Variants in RFC1 observed in about 807,000 individuals in gnomAD.
RFC1 encodes replication factor C subunit 1, also known as A1 140 kDa subunit.
RFC1 carries 37 observed loss-of-function variants against 137.4 expected under a neutral mutation model. The observed-to-expected ratio is 0.27, with a 90% CI of 0.21 to 0.35. The LOEUF (loss-of-function observed/expected upper bound fraction) is 0.35, where lower values mean the gene tolerates loss of function less well. RFC1 is among the 10% of genes least tolerant of loss of function. The pLI is 1.00. For missense variants in RFC1, 1,205 were observed against 1,358.5 expected (o/e 0.89, Z 1.78); for synonymous variants, 429 against 455.7 (o/e 0.94, Z 0.75).
intron 1 of RFC1, among the ~76,000 whole-genome samples, chr4:39,362,971 C>T (rs1298943986): frequency 6.6e-6 from 1 of 152,224 alleles, no homozygotes; most frequent in African/African-American, 2.4e-5. Flanking sequence ...CCAGGGAGAG[C>T]ATTCCACATA....
At chr4:39,353,109 A>AT (rs1560623200) in intron 1 of RFC1, among the ~76,000 whole-genome samples, 1 of 152,118 alleles carries the variant, frequency 6.6e-6, no homozygotes, top group African/African-American at 2.4e-5. Flanking sequence ...ATGTTAAATA[A>AT]TTTTTTTAAG....
intron 15 of RFC1, among the ~76,000 whole-genome samples, chr4:39,304,091 G>A (rs542607184): frequency 3.3e-5 from 5 of 152,302 alleles, no homozygotes; most frequent in South Asian, 2.1e-4. Context: ...CACCAGCCAC[G>A]TCTAAGAGTG....
chr4:39,326,752 T>C (rs1739789173), intron 5 of RFC1, 112 bp from the exon 6 acceptor site: 2 of 775,416 alleles, frequency 2.6e-6, no homozygotes, highest in Non-Finnish European at 4.2e-6. Context: ...AGTGTATCTA[T>C]CAGTAACAGC....
In RFC1 at chr4:39,294,410, G is replaced by A. The variant is rs148426941; in HGVS notation, c.2954+1204C>T. Among the ~76,000 whole-genome samples, 868 of 152,292 alleles carry A rather than the reference G, an allele frequency of 5.7e-3. 11 individuals carry two copies. The highest frequency in any genetic ancestry group is 0.02 in the African/African-American group (831 of 41,558). The stretch of plus-strand genomic sequence containing the variant: ...TCCAGGGGCCGGGCGTGTGGCTCAC[G>A]CCTGTAATCCCAGCACTTTCGGAGG... On this transcript the variant is annotated intron_variant, in intron 22 of 24. Coordinates refer to ENST00000349703, the MANE Select transcript of RFC1 (RefSeq NM_002913.5).
intron 13 of RFC1, among the ~76,000 whole-genome samples, chr4:39,307,152 G>A (rs924524812): frequency 9.2e-5 from 14 of 152,162 alleles, no homozygotes; most frequent in East Asian, 1.9e-4. Context: ...TTGTGAGGAC[G>A]GAATGGCTGA....
At chr4:39,330,006 C>G (rs1271267518) in intron 4 of RFC1, among the ~76,000 whole-genome samples, 1 of 152,014 alleles carries the variant, frequency 6.6e-6, no homozygotes, top group African/African-American at 2.4e-5. Flanking sequence ...TGCACTCCAG[C>G]CTGGGCGACA....
chr4:39,326,487 CA>C (rs1235903602), intron 6 of RFC1, 75 bp downstream of exon 6: 1 of 1,146,864 alleles, frequency 8.7e-7, no homozygotes, highest in Admixed American at 2.0e-5. Flanking sequence ...CAATGAGGTT[CA>C]ATTCAAAACC....
chr4:39,326,435 A>T, intron 6 of RFC1, 128 bp downstream of exon 6: 1 of 630,072 alleles, frequency 1.6e-6, no homozygotes, highest in Non-Finnish European at 2.7e-6. Flanking sequence ...AGAAATTTAG[A>T]TTTTCATTTA....
intron 10 of RFC1, among the ~76,000 whole-genome samples, chr4:39,315,749 T>C (rs185795420): frequency 6.6e-6 from 1 of 152,318 alleles, no homozygotes; most frequent in African/African-American, 2.4e-5. Context: ...AGATTTTGCC[T>C]CTTCTAGTGA....
chr4:39,319,400 A>G (rs1392250554), intron 9 of RFC1, among the ~76,000 whole-genome samples: 1 of 152,238 alleles, frequency 6.6e-6, no homozygotes, highest in African/African-American at 2.4e-5. Flanking sequence ...AAACTCTTTC[A>G]GCCTGTTTCC....
intron 4 of RFC1, 151 bp downstream of exon 4, chr4:39,342,194 G>C: frequency 2.2e-6 from 2 of 916,054 alleles, no homozygotes; most frequent in Non-Finnish European, 3.0e-6. Flanking sequence ...AAATGCAAAA[G>C]ATGATCCCAG....
intron 4 of RFC1, among the ~76,000 whole-genome samples, chr4:39,329,153 A>AAAAAAAAAAAAAAAAAAAC (rs869106844): frequency 7.3e-6 from 1 of 137,426 alleles, no homozygotes; most frequent in African/African-American, 2.6e-5. Flanking sequence ...AAAAAAAAAA[A>AAAAAAAAAAAAAAAAAAAC]GCTTTTCGAT....
At position 39,296,711 on chromosome 4, in the gene RFC1, A is replaced by G. The variant is rs1738030840; in HGVS notation, c.2809-952T>C. On this transcript the variant is annotated intron_variant, in intron 21 of 24. Transcript: ENST00000349703. ...TATTGTGAATAATGCTGCAATAAAC[A>G]TACATGTGCATGTGTCTTTATAGCA... 4.6e-5 allele frequency among the ~76,000 whole-genome samples: 7 copies of G among 151,520 alleles called. No homozygotes were observed. In the South Asian group the frequency reaches 1.5e-3, roughly 32 times the overall value.
chr4:39,291,002 G>GATAA (rs1737645503), intron 23 of RFC1, among the ~76,000 whole-genome samples: 1 of 152,116 alleles, frequency 6.6e-6, no homozygotes, highest in Non-Finnish European at 1.5e-5. Flanking sequence ...ATGGATGTCT[G>GATAA]CTGTGAGAAT....
intron 21 of RFC1, among the ~76,000 whole-genome samples, chr4:39,299,610 C>CAAAAAAAA (rs970461214): frequency 3.0e-4 from 12 of 40,260 alleles, no homozygotes; most frequent in Non-Finnish European, 3.2e-4. Flanking sequence ...AACACTGTCT[C>CAAAAAAAA]AAAAAAAAAA....
rs186580925 is a variant in RFC1 at position 39,311,386 on chromosome 4, G to C, written c.1488+59C>G. Reference sequence around the variant, plus strand: ...AAGCCTGTATCCACCCAAGACATATGTCTATGAAATTAAAAAGTTAATATA... The same window carrying C: ...AAGCCTGTATCCACCCAAGACATATCTCTATGAAATTAAAAAGTTAATATA... On this transcript the variant is annotated intron_variant, in intron 12 of 24. Coordinates refer to ENST00000349703, the MANE Select transcript of RFC1 (RefSeq NM_002913.5). 4 of 1,393,284 alleles carry C rather than the reference G, an allele frequency of 2.9e-6. No homozygotes were observed. The East Asian group carries it at 9.2e-5, about 32-fold the overall frequency. 86.3% of individuals were successfully genotyped at this position (1,393,284 alleles called of 1,614,324 possible). A position where few individuals can be genotyped will look rare whatever the true frequency, so the allele number is the denominator to read the frequency against.
chr4:39,337,293 G>C (rs189053442), intron 4 of RFC1, among the ~76,000 whole-genome samples: 38 of 151,920 alleles, frequency 2.5e-4, no homozygotes, highest in African/African-American at 7.5e-4. Flanking sequence ...AGACTCGCTT[G>C]AACCTGGGAG....
chr4:39,341,813 A>G (rs1740617908), intron 4 of RFC1: 6 of 357,010 alleles, frequency 1.7e-5, no homozygotes, highest in South Asian at 1.3e-4. Flanking sequence ...ATTTGAGATT[A>G]GCACATAATT....
At chr4:39,298,114 G>C (rs536456906) in intron 21 of RFC1, among the ~76,000 whole-genome samples, 3 of 152,086 alleles carry the variant, frequency 2.0e-5, no homozygotes, top group African/African-American at 7.2e-5. Flanking sequence ...TTCAAGACCA[G>C]CCTGGCCAAC....
Sources: gnomAD v4.1 joint callset for allele counts (sites outside exome capture counted in the v4.1 genomes callset) on GRCh38, gnomAD v4.1.1 for gene constraint, MANE v1.5 for transcripts, NCBI Gene and HGNC (gene_info 2026-07-23, HGNC 2026-07-21) for gene names.